Variants in MIA2 observed in about 807,000 individuals in gnomAD.
The protein encoded by MIA2 is melanoma inhibitory activity protein 2.
A neutral mutation model predicts 167.8 loss-of-function variants in MIA2; 127 were observed. That is an observed-to-expected ratio of 0.76 (90% CI 0.66 to 0.88). The LOEUF (loss-of-function observed/expected upper bound fraction) is 0.88. Ranked by LOEUF, MIA2 falls within the 40% of genes least tolerant of loss-of-function variation. The pLI, the probability that MIA2 is intolerant of heterozygous loss-of-function variation, is 0.00. For synonymous variants in MIA2, 552 were observed against 541.9 expected (o/e 1.02, Z -0.26); for missense variants, 1,690 against 1,624.7 (o/e 1.04, Z -0.69).
chr14:39,294,153 A>G, intron 12 of MIA2, 82 bp downstream of exon 12: 2 of 1,013,306 alleles, frequency 2.0e-6, no homozygotes, highest in Admixed American at 2.3e-5. Flanking sequence ...ATAAGACACA[A>G]TAGTAGGATT....
intron 6 of MIA2, among the ~76,000 whole-genome samples, chr14:39,255,957 A>G (rs1485327060): frequency 6.6e-6 from 1 of 152,198 alleles, no homozygotes; most frequent in Non-Finnish European, 1.5e-5. Context: ...AATTCCAATA[A>G]CAGAAGCTGA....
At chr14:39,331,771 A>AT (rs538727193) in intron 25 of MIA2, among the ~76,000 whole-genome samples, 23 of 152,184 alleles carry the variant, frequency 1.5e-4, no homozygotes, top group Non-Finnish European at 3.4e-4. Flanking sequence ...AGAATATTGC[A>AT]TATTGGCCCC....
intron 6 of MIA2, among the ~76,000 whole-genome samples, chr14:39,260,135 TCTG>T (rs1209786868): frequency 1.3e-5 from 2 of 152,362 alleles, no homozygotes; most frequent in Non-Finnish European, 1.5e-5. Flanking sequence ...TGGTTCCAAG[TCTG>T]CTATTGTGAA....
At chr14:39,346,090 T>C (rs1026764463) in intron 26 of MIA2, 64 bp downstream of exon 26, 2 of 1,382,570 alleles carry the variant, frequency 1.4e-6, no homozygotes, top group African/African-American at 2.9e-5. Context: ...AACTGGAAGT[T>C]AGAATAAAGA....
chr14:39,291,925 A>T (rs547119734), intron 10 of MIA2, among the ~76,000 whole-genome samples: 2 of 152,240 alleles, frequency 1.3e-5, no homozygotes, highest in Non-Finnish European at 2.9e-5. Flanking sequence ...TGCAGATACT[A>T]AAACAGAAAA....
intron 9 of MIA2, among the ~76,000 whole-genome samples, chr14:39,287,822 A>G (rs747733527): frequency 1.3e-5 from 2 of 152,032 alleles, no homozygotes; most frequent in East Asian, 1.9e-4. Context: ...CGGCCTCCCA[A>G]AGTGCTGGGA....
chr14:39,361,093 A>G (rs2074672719), intron 23 of MIA2, among the ~76,000 whole-genome samples: 1 of 152,040 alleles, frequency 6.6e-6, no homozygotes, highest in Non-Finnish European at 1.5e-5. Context: ...TGATGCCCCC[A>G]CCTTGATCTT....
At chr14:39,263,890 T>C (rs531532862) in intron 6 of MIA2, among the ~76,000 whole-genome samples, 4 of 152,170 alleles carry the variant, frequency 2.6e-5, no homozygotes, top group Non-Finnish European at 5.9e-5. Flanking sequence ...CGCCTTGGCC[T>C]CCCAAAGTGC....
At chr14:39,281,285 T>C (rs955567239) in intron 9 of MIA2, among the ~76,000 whole-genome samples, 2 of 151,810 alleles carry the variant, frequency 1.3e-5, no homozygotes, top group African/African-American at 4.9e-5. Context: ...TTGCCCTTTT[T>C]TGTTCTTTCT....
intron 2 of MIA2, 92 bp downstream of exon 2, chr14:39,237,147 G>C (rs1379488998): frequency 7.1e-7 from 1 of 1,407,412 alleles, no homozygotes; most frequent in East Asian, 2.5e-5. Flanking sequence ...TGGAAACAGG[G>C]CCTGGCTCTG....
downstream of MIA2, among the ~76,000 whole-genome samples, chr14:39,355,726 C>T (rs2074505932): frequency 6.6e-6 from 1 of 152,138 alleles, no homozygotes; most frequent in East Asian, 1.9e-4. Flanking sequence ...AGATATGTCC[C>T]ATCAATACCT....
At chr14:39,248,713 C>T (rs908282014) in intron 4 of MIA2, among the ~76,000 whole-genome samples, 4 of 151,956 alleles carry the variant, frequency 2.6e-5, no homozygotes, top group African/African-American at 4.8e-5. Flanking sequence ...TATATTTGAA[C>T]GATTTTCTTA....
chr14:39,261,994 A>G (rs1318937849), intron 6 of MIA2, among the ~76,000 whole-genome samples: 1 of 152,066 alleles, frequency 6.6e-6, no homozygotes, highest in East Asian at 1.9e-4. Flanking sequence ...CTTTAGTTTA[A>G]TTAGATCCCA....
rs139964417 is a variant in MIA2, at chr14:39,258,749, T to A, written c.1887+5578T>A. ...ATCTACTTCTGATCTTTGAGGCTGG[T>A]GACCTTTGGATGGGGTTTTTGTGTG... On this transcript the variant is annotated intron_variant, in intron 6 of 28. Coordinates refer to ENST00000640607, the MANE Select transcript of MIA2 (RefSeq NM_001329214.4). 7.7e-3 allele frequency among the ~76,000 whole-genome samples: 1,172 copies of A among 152,354 alleles called. 14 individuals are homozygous for A. Among genetic ancestry groups the A allele is most frequent in the African/African-American group, 0.026 (1,069 of 41,586 alleles).
At chr14:39,321,082 C>T (rs376070042) in intron 24 of MIA2, 26 bp downstream of exon 24, 3 of 1,583,890 alleles carry the variant, frequency 1.9e-6, no homozygotes, top group African/African-American at 1.4e-5. Context: ...ATCTTTATTA[C>T]TCTAGATTTC....
chr14:39,316,577 T>A (rs1320290473), intron 21 of MIA2, among the ~76,000 whole-genome samples: 1 of 152,210 alleles, frequency 6.6e-6, no homozygotes, highest in African/African-American at 2.4e-5. Context: ...TAGTGAAGCT[T>A]GGTAGGTATT....
At chr14:39,344,750 G>A (rs116945390) in intron 25 of MIA2, among the ~76,000 whole-genome samples, 16 of 152,212 alleles carry the variant, frequency 1.1e-4, no homozygotes, top group African/African-American at 3.4e-4. Flanking sequence ...CTTCTTTGTC[G>A]TTCTCCTTAT....
Position 39,290,294 on chromosome 14 carries a change from T to C in MIA2, c.2131-725T>C, listed in dbSNP as rs139394103. Among the ~76,000 whole-genome samples, 157 of 152,318 alleles carry C rather than the reference T, an allele frequency of 1.0e-3. 1 individual carries two copies. The East Asian group carries it at 0.024, about 23-fold the overall frequency. ...ACTTCTCTCACAAATTCTCACTGTTTTGATAGCTCTCTGAGGCTTTCAGAC... is the reference window on the plus strand; with the variant it reads ...ACTTCTCTCACAAATTCTCACTGTTCTGATAGCTCTCTGAGGCTTTCAGAC... On this transcript the variant is annotated intron_variant, in intron 9 of 28. Coordinates refer to ENST00000640607, the MANE Select transcript of MIA2 (RefSeq NM_001329214.4).
intron 1 of MIA2, 88 bp downstream of exon 1, chr14:39,234,317 G>A: frequency 1.3e-6 from 1 of 753,940 alleles, no homozygotes; most frequent in Non-Finnish European, 2.2e-6. Context: ...TGATAAAAAT[G>A]AGTATTGATA....
Sources: allele counts gnomAD v4.1 joint callset (sites outside exome capture counted in the v4.1 genomes callset), GRCh38; gene constraint gnomAD v4.1.1; transcripts MANE v1.5; gene names NCBI Gene and HGNC (gene_info 2026-07-23, HGNC 2026-07-21).